Variants in PTPRD observed in about 807,000 individuals in gnomAD.
The protein encoded by PTPRD is protein tyrosine phosphatase receptor type D.
PTPRD carries 34 observed loss-of-function variants against 214.5 expected under a neutral mutation model. That is an observed-to-expected ratio of 0.16 (90% confidence interval 0.12 to 0.21). The LOEUF is 0.21. PTPRD is among the 10% of genes least tolerant of loss of function. PTPRD has a pLI of 1.00. For synonymous variants in PTPRD, 1,128 were observed against 845.7 expected (o/e 1.33, Z -5.79); for missense variants, 2,545 against 2,398.7 (o/e 1.06, Z -1.27).
At chr9:10,346,451 T>C (rs1462426724) in intron 2 of PTPRD, among the ~76,000 whole-genome samples, 2 of 152,162 alleles carry the variant, frequency 1.3e-5, no homozygotes, top group East Asian at 1.9e-4. Context: ...TGAAAAATTA[T>C]ATAAGAATAT....
chr9:10,470,677 T>G (rs57682531), intron 2 of PTPRD, among the ~76,000 whole-genome samples: 10,873 of 152,076 alleles, frequency 0.071, 1,091 homozygotes, highest in African/African-American at 0.23. Context: ...TAATAATAGC[T>G]CCCTTCTCCC....
intron 4 of PTPRD, among the ~76,000 whole-genome samples, chr9:10,027,270 G>A (rs1381131445): frequency 1.3e-5 from 2 of 152,090 alleles, no homozygotes; most frequent in Admixed American, 1.3e-4. Flanking sequence ...GTGAATAAAT[G>A]GGAACTTTTC....
intron 3 of PTPRD, among the ~76,000 whole-genome samples, chr9:10,095,015 G>C (rs1199668805): frequency 6.6e-6 from 1 of 151,198 alleles, no homozygotes; most frequent in African/African-American, 2.4e-5. Flanking sequence ...CTTCTAAGCG[G>C]GGTATTACAA....
At chr9:8,433,078 A>G (rs1017760547) in intron 35 of PTPRD, among the ~76,000 whole-genome samples, 7 of 152,214 alleles carry the variant, frequency 4.6e-5, no homozygotes, top group Non-Finnish European at 7.3e-5. Context: ...TGCTTGAGTG[A>G]TGGTTTTATA....
At chr9:8,787,853 G>A (rs1202514799) in intron 11 of PTPRD, among the ~76,000 whole-genome samples, 1 of 151,992 alleles carries the variant, frequency 6.6e-6, no homozygotes, top group Non-Finnish European at 1.5e-5. Flanking sequence ...AATGAATGAT[G>A]GATAATCTTG....
At chr9:9,105,604 A>G (rs983733993) in intron 10 of PTPRD, among the ~76,000 whole-genome samples, 4 of 152,228 alleles carry the variant, frequency 2.6e-5, no homozygotes, top group Non-Finnish European at 5.9e-5. Flanking sequence ...TCACAAGATT[A>G]GAGGTGACTG....
chr9:10,493,488 A>G (rs1404719430), intron 2 of PTPRD, among the ~76,000 whole-genome samples: 2 of 152,124 alleles, frequency 1.3e-5, no homozygotes, highest in Non-Finnish European at 2.9e-5. Flanking sequence ...GACAGAAACA[A>G]GCAATGGGGA....
intron 6 of PTPRD, among the ~76,000 whole-genome samples, chr9:9,748,050 C>G (rs1357067735): frequency 6.6e-6 from 1 of 152,118 alleles, no homozygotes; most frequent in African/African-American, 2.4e-5. Flanking sequence ...ATGGCATGAA[C>G]TGAATGGCAT....
chr9:8,351,755 A>T, intron 39 of PTPRD, among the ~76,000 whole-genome samples: 1 of 130,932 alleles, frequency 7.6e-6, no homozygotes, highest in East Asian at 2.1e-4. Flanking sequence ...AAAAAAAAAA[A>T]AAAAAAAAAA....
At chr9:9,027,518 A>G (rs542363119) in intron 10 of PTPRD, among the ~76,000 whole-genome samples, 262 of 152,092 alleles carry the variant, frequency 1.7e-3, no homozygotes, top group African/African-American at 5.9e-3. Context: ...CAGGAAGAGT[A>G]TAGTATAATA....
chr9:8,656,190 T>A lies in PTPRD; in HGVS notation c.65-19346A>T, dbSNP rs183826109. On this transcript the variant is annotated intron_variant, in intron 12 of 45. Transcript: ENST00000381196. ...ATATTCTCTGAGACCAGATCCTGAATCAGAATGGCACAGTAAGGCCTGGGA... is the reference window on the plus strand; with the variant it reads ...ATATTCTCTGAGACCAGATCCTGAAACAGAATGGCACAGTAAGGCCTGGGA... 1.6e-3 allele frequency among the ~76,000 whole-genome samples: 237 copies of A among 152,340 alleles called. 3 individuals carry two copies. The highest frequency in any genetic ancestry group is 2.8e-3 in the Admixed American group (43 of 15,298).
intron 4 of PTPRD, among the ~76,000 whole-genome samples, chr9:9,995,783 T>C (rs182593456): frequency 5.3e-4 from 81 of 152,308 alleles, no homozygotes; most frequent in Non-Finnish European, 6.9e-4. Flanking sequence ...ATTTATTTGA[T>C]ACTTTTCTGC....
chr9:8,408,609 C>T (rs1045184810), intron 35 of PTPRD, among the ~76,000 whole-genome samples: 5 of 152,140 alleles, frequency 3.3e-5, no homozygotes, highest in Non-Finnish European at 4.4e-5. Context: ...ACAGAATTCA[C>T]AAAAATGCTA....
intron 5 of PTPRD, among the ~76,000 whole-genome samples, chr9:9,879,890 G>A (rs2068096312): frequency 2.0e-5 from 3 of 152,262 alleles, no homozygotes; most frequent in South Asian, 2.1e-4. Context: ...AGTTGGGTCA[G>A]TATTGCCAAG....
chr9:10,245,432 A>C (rs1218028856), intron 3 of PTPRD, among the ~76,000 whole-genome samples: 1 of 152,150 alleles, frequency 6.6e-6, no homozygotes, highest in Non-Finnish European at 1.5e-5. Context: ...TTTTCAACAA[A>C]ATGACTCCGT....
intron 36 of PTPRD, among the ~76,000 whole-genome samples, chr9:8,400,409 C>T (rs1500335): frequency 0.91 from 138,101 of 152,284 alleles, 62,693 homozygotes; most frequent in Middle Eastern, 0.94. Flanking sequence ...TCTGGTCCAC[C>T]TGAATGATGC....
At chr9:9,917,452 T>TAA (rs112904497) in intron 5 of PTPRD, among the ~76,000 whole-genome samples, 54,935 of 126,360 alleles carry the variant, frequency 0.43, 13,026 homozygotes, top group Non-Finnish European at 0.53. Flanking sequence ...GAAAATTTCC[T>TAA]AAAAAAAAAA....
intron 11 of PTPRD, among the ~76,000 whole-genome samples, chr9:8,898,259 C>T (rs1339453520): frequency 6.6e-6 from 1 of 150,530 alleles, no homozygotes; most frequent in Non-Finnish European, 1.5e-5. Context: ...AGAAAATGAA[C>T]TTTTTTTTTT....
At chr9:10,420,663 C>A (rs2098537671) in intron 2 of PTPRD, among the ~76,000 whole-genome samples, 1 of 151,846 alleles carries the variant, frequency 6.6e-6, no homozygotes, top group Non-Finnish European at 1.5e-5. Flanking sequence ...CAACTGAACT[C>A]CTAATCCTTA....
Sources: allele counts gnomAD v4.1 joint callset (sites outside exome capture counted in the v4.1 genomes callset), GRCh38; gene constraint gnomAD v4.1.1; transcripts MANE v1.5; gene names NCBI Gene and HGNC (gene_info 2026-07-23, HGNC 2026-07-21).